The following ZHX3 variants were observed in gnomAD, a reference collection of about 807,000 sequenced individuals.
ZHX3 encodes zinc fingers and homeoboxes 3, also known as zinc fingers and homeoboxes protein 3.
ZHX3 carries 20 observed loss-of-function variants against 64.5 expected under a neutral mutation model. The observed-to-expected ratio is 0.31, with a 90% CI of 0.22 to 0.45. ZHX3 has a LOEUF of 0.45. ZHX3 is among the 20% of genes least tolerant of loss of function. The probability of loss-of-function intolerance (pLI) is 1.00; values close to 1 mark genes in which losing one functional copy is unlikely to be tolerated. For missense variants in ZHX3, 1,041 were observed against 1,195.8 expected, an observed-to-expected ratio of 0.87 and a Z score of 1.91; for synonymous variants, 423 against 461.6, an observed-to-expected ratio of 0.92 and a Z score of 1.07.
At chr20:41,316,666 A>C (rs1175546946) in intron 1 of ZHX3, among the ~76,000 whole-genome samples, 1 of 152,220 alleles carries the variant, frequency 6.6e-6, no homozygotes, top group Non-Finnish European at 1.5e-5. Context: ...CCCAAGTCAC[A>C]TAAGTTTCTC....
chr20:41,288,013 C>G (rs969644812), intron 1 of ZHX3, among the ~76,000 whole-genome samples: 6 of 152,022 alleles, frequency 3.9e-5, no homozygotes, highest in Non-Finnish European at 7.4e-5. Flanking sequence ...TGGAGTAAAG[C>G]AAGGACTTCA....
chr20:41,253,080 C>G (rs568413104), intron 2 of ZHX3, among the ~76,000 whole-genome samples: 118 of 152,304 alleles, frequency 7.7e-4, no homozygotes, highest in Non-Finnish European at 1.4e-3. Context: ...GTAAGGACTG[C>G]AGGACTATTT....
At chr20:41,197,285 A>G (rs2037802818) in intron 3 of ZHX3, 1 of 145,878 alleles carries the variant, frequency 6.9e-6, no homozygotes, top group Non-Finnish European at 1.5e-5. Flanking sequence ...TTTAAAATAC[A>G]TATATATTTT....
intron 2 of ZHX3, among the ~76,000 whole-genome samples, chr20:41,260,603 C>T (rs1173892959): frequency 6.6e-6 from 1 of 152,222 alleles, no homozygotes; most frequent in Non-Finnish European, 1.5e-5. Context: ...TGAAATCTAT[C>T]ACTATTTGTG....
At chr20:41,307,548 C>T (rs995193464) in intron 1 of ZHX3, among the ~76,000 whole-genome samples, 2 of 152,210 alleles carry the variant, frequency 1.3e-5, no homozygotes, top group Admixed American at 6.5e-5. Flanking sequence ...CCCTTCTCCA[C>T]CAAATATTCC....
At chr20:41,307,211 G>A (rs1259918502) in intron 1 of ZHX3, among the ~76,000 whole-genome samples, 5 of 152,192 alleles carry the variant, frequency 3.3e-5, no homozygotes, top group African/African-American at 1.2e-4. Context: ...AAGGCAGAAT[G>A]AGGAGCAGCT....
chr20:41,217,338 T>C (rs577919739), intron 2 of ZHX3, among the ~76,000 whole-genome samples: 1 of 152,296 alleles, frequency 6.6e-6, no homozygotes, highest in Non-Finnish European at 1.5e-5. Flanking sequence ...CATGAACTTA[T>C]AATTGTTCAA....
intron 2 of ZHX3, among the ~76,000 whole-genome samples, chr20:41,262,650 G>A (rs754183323): frequency 2.6e-4 from 40 of 152,168 alleles, no homozygotes; most frequent in Non-Finnish European, 4.6e-4. Context: ...TGAAGGCAGG[G>A]ACAGAATTGC....
At chr20:41,258,516 C>A (rs1305248636) in intron 2 of ZHX3, among the ~76,000 whole-genome samples, 2 of 152,186 alleles carry the variant, frequency 1.3e-5, no homozygotes, top group Non-Finnish European at 2.9e-5. Context: ...CTTTCCTTAT[C>A]ATTCACGTTC....
intron 3 of ZHX3, among the ~76,000 whole-genome samples, chr20:41,187,101 T>C (rs965371335): frequency 6.6e-6 from 1 of 152,046 alleles, no homozygotes; most frequent in Non-Finnish European, 1.5e-5. Flanking sequence ...GGAGGAATGC[T>C]TGAAGTCAGG....
intron 3 of ZHX3, among the ~76,000 whole-genome samples, chr20:41,198,699 A>G (rs1157201333): frequency 6.6e-6 from 1 of 151,794 alleles, no homozygotes; most frequent in Admixed American, 6.6e-5. Flanking sequence ...CTTGGATTTT[A>G]TTGAGCTTTT....
chr20:41,313,698 C>T (rs960344332), intron 1 of ZHX3, among the ~76,000 whole-genome samples: 2 of 147,812 alleles, frequency 1.4e-5, no homozygotes, highest in African/African-American at 2.5e-5. Context: ...CCTGGGTTCA[C>T]GCCATTCTCC....
intron 2 of ZHX3, among the ~76,000 whole-genome samples, chr20:41,211,121 C>T (rs2039129884): frequency 6.6e-6 from 1 of 151,990 alleles, no homozygotes; most frequent in Non-Finnish European, 1.5e-5. Context: ...CAGTTGATAA[C>T]TCAAAAAGAA....
At chr20:41,246,034 C>T (rs1038728704) in intron 2 of ZHX3, among the ~76,000 whole-genome samples, 6 of 152,166 alleles carry the variant, frequency 3.9e-5, no homozygotes, top group African/African-American at 1.4e-4. Context: ...GATCCATTAA[C>T]CAGGAATATA....
intron 2 of ZHX3, among the ~76,000 whole-genome samples, chr20:41,206,032 C>G (rs540638497): frequency 1.3e-5 from 2 of 152,326 alleles, no homozygotes; most frequent in African/African-American, 2.4e-5. Context: ...CCCAGGCAAA[C>G]AGGGTCTGGA....
At chr20:41,241,818 C>G (rs941894445) in intron 2 of ZHX3, among the ~76,000 whole-genome samples, 2 of 152,074 alleles carry the variant, frequency 1.3e-5, no homozygotes, top group Non-Finnish European at 2.9e-5. Flanking sequence ...ATTGCATTGA[C>G]TCTGTAGATT....
At chr20:41,250,496 C>A (rs2146504542) in intron 2 of ZHX3, among the ~76,000 whole-genome samples, 1 of 152,198 alleles carries the variant, frequency 6.6e-6, no homozygotes, top group Non-Finnish European at 1.5e-5. Context: ...CCAACCTGGG[C>A]AACATGGCAA....
chr20:41,193,166 T>G (rs1433211591), intron 3 of ZHX3, among the ~76,000 whole-genome samples: 1 of 152,242 alleles, frequency 6.6e-6, no homozygotes, highest in Non-Finnish European at 1.5e-5. Context: ...TCAGCCATTT[T>G]GGTTGGGTCT....
intron 1 of ZHX3, among the ~76,000 whole-genome samples, chr20:41,299,131 C>T (rs2146797888): frequency 6.6e-6 from 1 of 152,298 alleles, no homozygotes; most frequent in South Asian, 2.1e-4. Flanking sequence ...ATTTCTCACC[C>T]TGCTAACAAC....
Sources: allele counts gnomAD v4.1 joint callset (sites outside exome capture counted in the v4.1 genomes callset), GRCh38; gene constraint gnomAD v4.1.1; transcripts MANE v1.5; gene names NCBI Gene and HGNC (gene_info 2026-07-23, HGNC 2026-07-21).